The following NRXN3 variants were observed in gnomAD, a reference collection of about 807,000 sequenced individuals.
The protein encoded by NRXN3 is neurexin III.
A neutral mutation model predicts 137.6 loss-of-function variants in NRXN3; 32 were observed. That is an observed-to-expected ratio of 0.23 (90% CI 0.18 to 0.31). The LOEUF (loss-of-function observed/expected upper bound fraction) is 0.31. NRXN3 is among the 10% of genes least tolerant of loss of function. NRXN3 has a pLI of 1.00. For missense variants in NRXN3, 1,574 were observed against 2,062.5 expected, an observed-to-expected ratio of 0.76 and a Z score of 4.59; for synonymous variants, 798 against 784.5, an observed-to-expected ratio of 1.02 and a Z score of -0.29.
At chr14:78,929,595 G>A (rs775389666) in intron 10 of NRXN3, among the ~76,000 whole-genome samples, 13 of 152,010 alleles carry the variant, frequency 8.6e-5, no homozygotes, top group African/African-American at 1.9e-4. Context: ...CAAGTCTATC[G>A]TTAATGGGCA....
chr14:79,440,002 G>A (rs1275654062), intron 15 of NRXN3, among the ~76,000 whole-genome samples: 1 of 152,224 alleles, frequency 6.6e-6, no homozygotes, highest in African/African-American at 2.4e-5. Flanking sequence ...TACCAAGCAA[G>A]TATTGAGCAC....
chr14:78,290,845 C>T (rs2075738014), intron 3 of NRXN3, among the ~76,000 whole-genome samples: 1 of 152,152 alleles, frequency 6.6e-6, no homozygotes, highest in Non-Finnish European at 1.5e-5. Context: ...CCTGGCTGGC[C>T]TGATGATCTC....
At chr14:79,189,333 A>G (rs1423639835) in intron 15 of NRXN3, among the ~76,000 whole-genome samples, 2 of 146,694 alleles carry the variant, frequency 1.4e-5, no homozygotes, top group Non-Finnish European at 3.0e-5. Flanking sequence ...TGGTAATTGA[A>G]CAATGAGAAC....
intron 15 of NRXN3, among the ~76,000 whole-genome samples, chr14:79,278,981 C>A (rs1254139861): frequency 6.6e-6 from 1 of 152,238 alleles, no homozygotes; most frequent in Admixed American, 6.5e-5. Context: ...CTATTTGGAG[C>A]TACTTCGGCC....
At chr14:78,408,506 G>A (rs1037092604) in intron 4 of NRXN3, among the ~76,000 whole-genome samples, 2 of 152,140 alleles carry the variant, frequency 1.3e-5, no homozygotes, top group Admixed American at 6.5e-5. Flanking sequence ...CATCAGAATT[G>A]CCTCCCTCCT....
chr14:78,350,252 G>T (rs1024062276), intron 4 of NRXN3, among the ~76,000 whole-genome samples: 1 of 151,468 alleles, frequency 6.6e-6, no homozygotes, highest in Non-Finnish European at 1.5e-5. Context: ...TCATGCCATT[G>T]CACTGCAGCC....
chr14:78,767,736 A>T (rs982501614), intron 8 of NRXN3, among the ~76,000 whole-genome samples: 1 of 152,194 alleles, frequency 6.6e-6, no homozygotes, highest in African/African-American at 2.4e-5. Context: ...ATGCTTTAAA[A>T]GACAACACAC....
chr14:78,636,836 AT>A (rs1555410754), intron 4 of NRXN3, among the ~76,000 whole-genome samples: 1 of 151,774 alleles, frequency 6.6e-6, no homozygotes, highest in South Asian at 2.1e-4. Flanking sequence ...TTTATTTTTT[AT>A]TTTTTTAGCA....
intron 4 of NRXN3, among the ~76,000 whole-genome samples, chr14:78,541,990 A>G (rs113391623): frequency 4.4e-5 from 4 of 90,960 alleles, no homozygotes; most frequent in Non-Finnish European, 8.4e-5. Flanking sequence ...AATATTGCAG[A>G]ACAGCAAATA....
intron 15 of NRXN3, among the ~76,000 whole-genome samples, chr14:79,344,103 T>A (rs2092749570): frequency 6.6e-6 from 1 of 152,174 alleles, no homozygotes; most frequent in Admixed American, 6.5e-5. Context: ...TGTTTGACAC[T>A]TCTCTCTCAG....
At chr14:79,715,083 A>G (rs1206038497) in intron 19 of NRXN3, among the ~76,000 whole-genome samples, 1 of 152,020 alleles carries the variant, frequency 6.6e-6, no homozygotes, top group Non-Finnish European at 1.5e-5. Context: ...CCTCCTGAGT[A>G]GCTGGGACTA....
intron 15 of NRXN3, among the ~76,000 whole-genome samples, chr14:79,462,574 TAAAG>T (rs1041053416): frequency 8.0e-5 from 12 of 150,496 alleles, no homozygotes; most frequent in Admixed American, 3.3e-4. Context: ...CTCATTCTCT[TAAAG>T]AAACGATAGA....
intron 15 of NRXN3, among the ~76,000 whole-genome samples, chr14:79,431,267 T>C (rs1412209284): frequency 2.0e-5 from 3 of 152,188 alleles, no homozygotes; most frequent in Non-Finnish European, 2.9e-5. Flanking sequence ...TGTAGACCTT[T>C]GTCTGAGAAT....
chr14:78,392,625 G>T (rs550209328), intron 4 of NRXN3, among the ~76,000 whole-genome samples: 14 of 152,248 alleles, frequency 9.2e-5, no homozygotes, highest in Non-Finnish European at 2.1e-4. Context: ...CTTTTGAAAT[G>T]TAGTGTGGAT....
chr14:78,644,335 G>A (rs2097665832), intron 4 of NRXN3, among the ~76,000 whole-genome samples: 14 of 152,042 alleles, frequency 9.2e-5, no homozygotes, highest in Admixed American at 8.5e-4. Context: ...TGGAACTCTA[G>A]TTCTGTGGGG....
At chr14:79,448,527 G>A (rs1322735181) in intron 15 of NRXN3, among the ~76,000 whole-genome samples, 1 of 152,154 alleles carries the variant, frequency 6.6e-6, no homozygotes, top group African/African-American at 2.4e-5. Context: ...ATAAATATTT[G>A]TGAATGTATT....
intron 4 of NRXN3, among the ~76,000 whole-genome samples, chr14:78,402,482 A>C (rs1033932234): frequency 2.1e-4 from 32 of 152,174 alleles, no homozygotes; most frequent in African/African-American, 7.7e-4. Flanking sequence ...AATCTTTACC[A>C]TTCCTTCTAA....
At chr14:79,548,799 T>C (rs1281549768) in intron 16 of NRXN3, among the ~76,000 whole-genome samples, 1 of 150,532 alleles carries the variant, frequency 6.6e-6, no homozygotes, top group African/African-American at 2.4e-5. Context: ...AATAACTTCA[T>C]CTGCTGCCCA....
intron 15 of NRXN3, among the ~76,000 whole-genome samples, chr14:79,415,921 T>G (rs1351996677): frequency 6.6e-6 from 1 of 152,134 alleles, no homozygotes; most frequent in Non-Finnish European, 1.5e-5. Context: ...ACAGATTTCT[T>G]GGTGACTCAT....
Sources: allele counts gnomAD v4.1 joint callset (sites outside exome capture counted in the v4.1 genomes callset), GRCh38; gene constraint gnomAD v4.1.1; transcripts MANE v1.5; gene names NCBI Gene and HGNC (gene_info 2026-07-23, HGNC 2026-07-21).